GIMAP2: variants seen among roughly 807,000 people sequenced by gnomAD.
The protein encoded by GIMAP2 is GTPase, IMAP family member 2.
GIMAP2 carries 22 observed loss-of-function variants against 25.5 expected under a neutral mutation model. That is an observed-to-expected ratio of 0.86 (90% confidence interval 0.62 to 1.23). The LOEUF (loss-of-function observed/expected upper bound fraction) is 1.23. Among genes scored for constraint, GIMAP2 ranks in the 50% most tolerant of loss-of-function variants. GIMAP2 has a pLI of 0.00. For missense variants in GIMAP2, 422 were observed against 395.7 expected (o/e 1.07, Z -0.56); for synonymous variants, 167 against 143.0 (o/e 1.17, Z -1.20).
In GIMAP2 at chr7:150,692,869, G is replaced by C. The variant is rs763883328; in HGVS notation, c.583G>C (p.Val195Leu). Residue 195 changes from valine to leucine, a missense_variant, in exon 3 of 3, where the codon GTG becomes CTG. By Grantham distance (32) the Val-to-Leu change is conservative (BLOSUM62 1). Coordinates refer to ENST00000223293, the MANE Select transcript of GIMAP2 (RefSeq NM_015660.3). ...RAEGSNQDDQ[V>L]KELMDCIEDL... is the part of the protein sequence containing the mutation. ...TGAAGGGAGCAATCAGGATGACCAA[G>C]TGAAGGAACTAATGGACTGTATTGA... is the stretch of plus-strand genomic sequence containing the variant. The C allele has an allele frequency of 5.0e-6, 8 of 1,614,122 alleles. No individual in the cohort carries two copies. In the African/African-American group the frequency reaches 1.1e-4, roughly 22 times the overall value.
Position 150,692,621 on chromosome 7 carries a change from TGACTCAGCTGGG to T in GIMAP2, c.336_347del (p.Thr113_Gly116del). The T allele has an allele frequency of 6.2e-7, 1 of 1,614,132 alleles. No individual in the cohort carries two copies. Among genetic ancestry groups the T allele is most frequent in the Non-Finnish European group, 8.5e-7 (1 of 1,179,990 alleles). ...CCAGGACCCCATGTGCTGCTCCTGG[TGACTCAGCTGGG>T]CCGCTATACCTCACAGGACCAGCAG... On this transcript the variant is annotated inframe_deletion, in exon 3 of 3. Transcript: ENST00000223293.
At chr7:150,689,662 C>T (rs140355454) in intron 2 of GIMAP2, 2 of 627,632 alleles carry the variant, frequency 3.2e-6, no homozygotes, top group African/African-American at 3.6e-5. Flanking sequence ...ATTTCACTGG[C>T]CTACAGAAAA....
rs1366765545 is a variant in GIMAP2, at chr7:150,692,950, A to G, written c.664A>G (p.Ile222Val). Residue 222 changes from isoleucine (I) to valine (V), a missense_variant, in exon 3 of 3, where the codon ATA becomes GTA. Coordinates refer to ENST00000223293, the MANE Select transcript of GIMAP2 (RefSeq NM_015660.3). ...DHYTNGLYSL[I>V]QRSKCGPVGS... ...CTATACCAATGGGTTGTACAGCCTA[A>G]TACAGAGGTCTAAATGTGGACCTGT... The G allele has an allele frequency of 1.2e-6, 2 of 1,614,204 alleles. No individual in the cohort carries two copies. The highest frequency in any genetic ancestry group is 2.2e-5 in the South Asian group (2 of 91,090).
Position 150,693,298 on chromosome 7 carries a change from T to C in GIMAP2, c.1012T>C (p.Ter338GlnextTer15), listed in dbSNP as rs765511921. Residue 338 changes from the stop codon to glutamine (Q), a stop_lost, in exon 3 of 3, where the codon TAG becomes CAG. Transcript: ENST00000223293. The stretch of plus-strand genomic sequence containing the variant: ...ACTAGAACGCAAGACTCCTAGGTTA[T>C]AGTTACAGATCCCAGTTATTATTTA... Reference protein sequence around the residue: ...IRLERKTPRL* With the variant: ...IRLERKTPRLQ 2 of 1,538,234 alleles carry C rather than the reference T, an allele frequency of 1.3e-6. No homozygotes were observed. Among genetic ancestry groups the C allele is most frequent in the Non-Finnish European group, 1.7e-6 (2 of 1,147,060 alleles).
intron 2 of GIMAP2, 131 bp downstream of exon 2, chr7:150,687,218 A>G (rs1211532577): frequency 2.7e-6 from 2 of 741,384 alleles, no homozygotes; most frequent in East Asian, 5.5e-5. Context: ...TCTAACTCCC[A>G]CAGCTACCAC....
In GIMAP2 at chr7:150,692,681, T is replaced by G; in HGVS notation, c.395T>G (p.Ile132Ser). Residue 132 changes from isoleucine to serine, a missense_variant, in exon 3 of 3, where the codon ATC becomes AGC. Ile to Ser is a moderately radical substitution (Grantham distance 142). Coordinates refer to ENST00000223293, the MANE Select transcript of GIMAP2 (RefSeq NM_015660.3). ...CAGGCTGCACAGAGGGTGAAGGAGATCTTTGGAGAGGATGCCATGGGACAC... is the reference window on the plus strand; with the variant it reads ...CAGGCTGCACAGAGGGTGAAGGAGAGCTTTGGAGAGGATGCCATGGGACAC... ...DQQAAQRVKE[I>S]FGEDAMGHTI... 2 of 1,614,066 alleles carry G rather than the reference T, an allele frequency of 1.2e-6. No homozygotes were observed. The highest frequency in any genetic ancestry group is 1.7e-6 in the Non-Finnish European group (2 of 1,180,016).
In GIMAP2 at chr7:150,692,856, T is replaced by A; in HGVS notation, c.570T>A (p.Asn190Lys). The A allele has an allele frequency of 1.9e-6, 3 of 1,614,188 alleles. No homozygotes were observed. The highest frequency in any genetic ancestry group is 2.5e-6 in the Non-Finnish European group (3 of 1,180,030). ...TTAATAACCGTGCTGAAGGGAGCAA[T>A]CAGGATGACCAAGTGAAGGAACTAA... is the stretch of plus-strand genomic sequence containing the variant. ...CAFNNRAEGS[N>K]QDDQVKELMD... The change falls in exon 3 of 3, where the codon AAT (asparagine) becomes AAA (lysine). Residue 190 changes from asparagine (N) to lysine (K), a missense_variant. Physicochemically the swap from Asn to Lys is moderately conservative, Grantham distance 94. Coordinates refer to ENST00000223293, the MANE Select transcript of GIMAP2 (RefSeq NM_015660.3).
Position 150,687,065 on chromosome 7 carries a change from C to T in GIMAP2, c.6C>T (p.Asp2=), listed in dbSNP as rs1298661623. M[D]QNEHSHWGPH... The stretch of plus-strand genomic sequence containing the variant: ...TCTGTTTCTCAGGAACACCAATGGA[C>T]CAAAATGAACACAGTCACTGGGGTA... Residue 2 remains aspartate (D), a synonymous_variant, in exon 2 of 3, where the codon GAC becomes GAT. Transcript: ENST00000223293. 1 of 1,609,226 alleles carries T rather than the reference C, an allele frequency of 6.2e-7. No individual in the cohort carries two copies. Among genetic ancestry groups the T allele is most frequent in the Non-Finnish European group, 8.5e-7 (1 of 1,177,564 alleles).
chr7:150,687,131 T>C, intron 2 of GIMAP2, 44 bp downstream of exon 2: 1 of 1,286,010 alleles, frequency 7.8e-7, no homozygotes, highest in Non-Finnish European at 1.1e-6. Flanking sequence ...TGTGTGTGTG[T>C]GTGTGTGTGT....
chr7:150,688,883 G>A (rs1273225448), intron 2 of GIMAP2, among the ~76,000 whole-genome samples: 1 of 152,196 alleles, frequency 6.6e-6, no homozygotes, highest in Non-Finnish European at 1.5e-5. Flanking sequence ...GCCCTCTCTG[G>A]CAGAATTCTC....
chr7:150,687,105 CGTGTGTGTGTGTGTGTGTGTGTGTGTGT>C lies in GIMAP2; in HGVS notation c.28+41_28+68del, dbSNP rs35656746. 5.1e-4 allele frequency: 651 copies of C among 1,269,336 alleles called. 2 individuals carry two copies. Among genetic ancestry groups the C allele is most frequent in the Middle Eastern group, 7.1e-4 (3 of 4,236 alleles). The allele number at this position is 1,269,336 out of a possible 1,614,324, so 78.6% of individuals were successfully genotyped here. ...TCACTGGGGTAAGAAGGTGACTTCA[CGTGTGTGTGTGTGTGTGTGTGTGTGTGT>C]GTGTGTGTGTGTGTGTGTGTGTTTG... is the stretch of plus-strand genomic sequence containing the variant. On this transcript the variant is annotated intron_variant, in intron 2 of 2. Transcript: ENST00000223293.
chr7:150,686,986 A>G, intron 1 of GIMAP2, 66 bp from the exon 2 acceptor site: 1 of 1,147,086 alleles, frequency 8.7e-7, no homozygotes, highest in Non-Finnish European at 1.3e-6. Flanking sequence ...AAGAAAAGAA[A>G]AGAAATATAA....
chr7:150,692,659 G>A lies in GIMAP2; in HGVS notation c.373G>A (p.Ala125Thr), dbSNP rs576183114. 1.2e-6 allele frequency: 2 copies of A among 1,614,234 alleles called. No individual in the cohort carries two copies. The highest frequency in any genetic ancestry group is 3.3e-5 in the Admixed American group (2 of 60,034). Residue 125 changes from alanine to threonine, a missense_variant, in exon 3 of 3, where the codon GCT becomes ACT. Coordinates refer to ENST00000223293, the MANE Select transcript of GIMAP2 (RefSeq NM_015660.3). ...CCGCTATACCTCACAGGACCAGCAG[G>A]CTGCACAGAGGGTGAAGGAGATCTT... ...LGRYTSQDQQ[A>T]AQRVKEIFGE...
In GIMAP2 at chr7:150,686,249, C is replaced by T. The variant is rs555404105; in HGVS notation, c.-9+464C>T. 1.4e-4 allele frequency among the ~76,000 whole-genome samples: 21 copies of T among 152,234 alleles called. No individual in the cohort carries two copies. In the East Asian group the frequency reaches 3.7e-3, roughly 27 times the overall value. ...TGTATTTCCAGCTTAAAGGACTGCA[C>T]GGTTTCCCAGAGTCATAATCTTCAT... On this transcript the variant is annotated intron_variant, in intron 1 of 2. Coordinates refer to ENST00000223293, the MANE Select transcript of GIMAP2 (RefSeq NM_015660.3).
intron 2 of GIMAP2, among the ~76,000 whole-genome samples, chr7:150,689,872 T>C (rs1437456353): frequency 2.0e-5 from 3 of 152,202 alleles, no homozygotes; most frequent in Admixed American, 2.0e-4. Context: ...AGTTGCAGAT[T>C]TATGTGTAAA....
intron 2 of GIMAP2, chr7:150,689,674 A>G (rs1167166223): frequency 1.6e-6 from 1 of 615,932 alleles, no homozygotes; most frequent in Non-Finnish European, 3.0e-6. Context: ...TACAGAAAAT[A>G]AGATTAAATG....
Position 150,687,090 on chromosome 7 carries a change from A to G in GIMAP2, c.28+3A>G. The G allele has an allele frequency of 1.3e-6, 2 of 1,591,776 alleles. No individual in the cohort carries two copies. The highest frequency in any genetic ancestry group is 2.2e-5 in the South Asian group (2 of 90,514). The stretch of plus-strand genomic sequence containing the variant: ...CCAAAATGAACACAGTCACTGGGGT[A>G]AGAAGGTGACTTCACGTGTGTGTGT... On this transcript the variant is annotated splice_donor_region_variant and intron_variant, in intron 2 of 2. Coordinates refer to ENST00000223293, the MANE Select transcript of GIMAP2 (RefSeq NM_015660.3).
rs1796911191 is a variant in GIMAP2, at chr7:150,687,104, ACGTG to A, written c.28+18_28+21del. 1 of 1,371,308 alleles carries A rather than the reference ACGTG, an allele frequency of 7.3e-7. No individual in the cohort carries two copies. The highest frequency in any genetic ancestry group is 1.2e-5 in the South Asian group (1 of 84,968). The allele number at this position is 1,371,308 out of a possible 1,614,324, so 84.9% of individuals were successfully genotyped here. A position where few individuals can be genotyped will look rare whatever the true frequency, so the allele number is the denominator to read the frequency against. ...GTCACTGGGGTAAGAAGGTGACTTC[ACGTG>A]TGTGTGTGTGTGTGTGTGTGTGTGT... On this transcript the variant is annotated intron_variant, in intron 2 of 2. Coordinates refer to ENST00000223293, the MANE Select transcript of GIMAP2 (RefSeq NM_015660.3).
At chr7:150,687,922 G>A (rs959801672) in intron 2 of GIMAP2, among the ~76,000 whole-genome samples, 1 of 151,896 alleles carries the variant, frequency 6.6e-6, no homozygotes, top group Non-Finnish European at 1.5e-5. Context: ...CCTGTCTTCA[G>A]TCTCTTACAT....
Sources: gnomAD v4.1 joint callset for allele counts (sites outside exome capture counted in the v4.1 genomes callset) on GRCh38, gnomAD v4.1.1 for gene constraint, MANE v1.5 for transcripts, NCBI Gene and HGNC (gene_info 2026-07-23, HGNC 2026-07-21) for gene names.